Variants in PRDM16 observed in about 807,000 individuals in gnomAD.
PRDM16 encodes the protein histone-lysine N-methyltransferase PRDM16.
PRDM16 carries 23 observed loss-of-function variants against 110.6 expected under a neutral mutation model. The ratio of observed to expected loss-of-function variants is 0.21; its 90% CI spans 0.15 to 0.29. The LOEUF is 0.29. Among genes scored for constraint, PRDM16 ranks in the 10% least tolerant of loss-of-function variants. PRDM16 has a pLI of 1.00. For synonymous variants in PRDM16, 799 were observed against 781.8 expected, an observed-to-expected ratio of 1.02 and a Z score of -0.37; for missense variants, 1,615 against 1,794.3, an observed-to-expected ratio of 0.90 and a Z score of 1.81.
intron 2 of PRDM16, among the ~76,000 whole-genome samples, chr1:3,194,090 T>C (rs764316662): frequency 5.3e-5 from 8 of 152,212 alleles, no homozygotes; most frequent in Admixed American, 4.6e-4. Context: ...CGCCTGCATG[T>C]CCTGTCCGGC....
chr1:3,219,685 G>A (rs1365785514), intron 2 of PRDM16, among the ~76,000 whole-genome samples: 2 of 152,138 alleles, frequency 1.3e-5, no homozygotes, highest in Non-Finnish European at 2.9e-5. Flanking sequence ...GCAGGAGTGA[G>A]GGCTGAACAT....
chr1:3,105,381 C>G (rs1272374955), intron 1 of PRDM16, among the ~76,000 whole-genome samples: 1 of 152,224 alleles, frequency 6.6e-6, no homozygotes, highest in Non-Finnish European at 1.5e-5. Flanking sequence ...ATGGAAGGCG[C>G]TGTGCATGGG....
chr1:3,214,762 G>A (rs763985768), intron 2 of PRDM16, among the ~76,000 whole-genome samples: 7 of 152,240 alleles, frequency 4.6e-5, no homozygotes, highest in Admixed American at 1.3e-4. Flanking sequence ...CCTGTTGGGT[G>A]CCTGGCCCTG....
At chr1:3,298,981 T>A (rs1033227675) in intron 3 of PRDM16, among the ~76,000 whole-genome samples, 1 of 152,250 alleles carries the variant, frequency 6.6e-6, no homozygotes. Context: ...GTGAAGGGTC[T>A]GACCTACAGG....
intron 3 of PRDM16, among the ~76,000 whole-genome samples, chr1:3,356,812 T>G (rs1642612202): frequency 6.6e-6 from 1 of 152,118 alleles, no homozygotes; most frequent in Non-Finnish European, 1.5e-5. Flanking sequence ...ACCGGGCCAG[T>G]GTGGCGGTTC....
At chr1:3,401,555 C>T (rs1643467835) in intron 5 of PRDM16, among the ~76,000 whole-genome samples, 1 of 152,082 alleles carries the variant, frequency 6.6e-6, no homozygotes, top group Non-Finnish European at 1.5e-5. Context: ...CATGTGTACA[C>T]ATATTCATGC....
At chr1:3,105,705 A>G (rs907356373) in intron 1 of PRDM16, among the ~76,000 whole-genome samples, 4 of 152,228 alleles carry the variant, frequency 2.6e-5, no homozygotes, top group African/African-American at 9.6e-5. Flanking sequence ...CGCAGTAATT[A>G]CATTCCTAAC....
In PRDM16 at chr1:3,437,780, A is replaced by G. The variant is rs1229247389; in HGVS notation, c.*3969A>G. ...ATAAATAAATAAATAAATAAAAGGC[A>G]GCTTGAGTTTCCAAACGTGTGATTC... On this transcript the variant is annotated 3_prime_UTR_variant, in exon 17 of 17. Transcript: ENST00000270722. 4.6e-6 allele frequency: 1 copy of G among 219,336 alleles called. No homozygotes were observed. The highest frequency in any genetic ancestry group is 9.1e-6 in the Non-Finnish European group (1 of 109,314). 13.6% of individuals were successfully genotyped at this position (219,336 alleles called of 1,614,324 possible).
At chr1:3,314,075 G>GGGC in intron 3 of PRDM16, among the ~76,000 whole-genome samples, 1 of 151,348 alleles carries the variant, frequency 6.6e-6, no homozygotes, top group South Asian at 2.1e-4. Flanking sequence ...CCCCACCGGG[G>GGGC]GGGGGGGCGG....
chr1:3,265,677 G>A lies in PRDM16; in HGVS notation c.438+21540G>A, dbSNP rs946988873. ...AGGCCAGCCCTCTTGCCCCGGGGCT[G>A]CCTGGGTTTGTCCTGGGAAGGTGAG... On this transcript the variant is annotated intron_variant, in intron 3 of 16. Transcript: ENST00000270722. This position sits in a 1 kb window ranked among gnomAD's most constrained non-coding sequence, Gnocchi z 4.5. Among the ~76,000 whole-genome samples the A allele has an allele frequency of 6.6e-6, 1 of 152,052 alleles. No homozygotes were observed. Among genetic ancestry groups the A allele is most frequent in the African/African-American group, 2.4e-5 (1 of 41,386 alleles).
At chr1:3,144,415 G>A (rs1399626994) in intron 1 of PRDM16, among the ~76,000 whole-genome samples, 1 of 152,196 alleles carries the variant, frequency 6.6e-6, no homozygotes, top group Non-Finnish European at 1.5e-5. Context: ...AGATCCCACA[G>A]TTCCCTCCAA....
At chr1:3,179,115 G>A (rs978425060) in intron 1 of PRDM16, among the ~76,000 whole-genome samples, 8 of 152,196 alleles carry the variant, frequency 5.3e-5, no homozygotes, top group African/African-American at 1.4e-4. Context: ...GGCTCTCCCC[G>A]GTTTTGAAAG....
chr1:3,272,944 G>A (rs1640491676), intron 3 of PRDM16, among the ~76,000 whole-genome samples: 2 of 152,358 alleles, frequency 1.3e-5, no homozygotes, highest in African/African-American at 4.8e-5. Flanking sequence ...CTCGAGTCTT[G>A]TGTCTGCCAC....
Position 3,144,642 on chromosome 1 carries a change from C to T in PRDM16, c.38-41483C>T, listed in dbSNP as rs1391618779. Reference sequence around the variant, plus strand: ...TGCGAGATGGTGCTCTGTGTGCCCGCGTTCAGGAGAGGAAACCAAGGCGTG... The same window carrying T: ...TGCGAGATGGTGCTCTGTGTGCCCGTGTTCAGGAGAGGAAACCAAGGCGTG... On this transcript the variant is annotated intron_variant, in intron 1 of 16. Transcript: ENST00000270722. Among the ~76,000 whole-genome samples the T allele has an allele frequency of 3.3e-5, 5 of 152,290 alleles. No homozygotes were observed. The South Asian group carries it at 6.2e-4, about 19-fold the overall frequency.
Position 3,069,214 on chromosome 1 carries a change from G to A in PRDM16, c.-46G>A. 6.4e-7 allele frequency: 1 copy of A among 1,560,240 alleles called. No homozygotes were observed. Among genetic ancestry groups the A allele is most frequent in the Non-Finnish European group, 8.7e-7 (1 of 1,145,232 alleles). Reference sequence around the variant, plus strand: ...GGGGAGATGAAGATAGTGTGTGGCTGCTTCTGGACTCAAGGAGGAGGAGAG... The same window carrying A: ...GGGGAGATGAAGATAGTGTGTGGCTACTTCTGGACTCAAGGAGGAGGAGAG... On this transcript the variant is annotated 5_prime_UTR_variant, in exon 1 of 17. Transcript: ENST00000270722. This position sits in a 1 kb window ranked among gnomAD's most constrained non-coding sequence, Gnocchi z 6.1.
intron 3 of PRDM16, among the ~76,000 whole-genome samples, chr1:3,384,134 G>GC (rs1643156104): frequency 6.8e-6 from 1 of 147,570 alleles, no homozygotes; most frequent in Non-Finnish European, 1.5e-5. Context: ...CACCTGTCCA[G>GC]CAGGACACAC....
intron 1 of PRDM16, among the ~76,000 whole-genome samples, chr1:3,171,982 C>T (rs374892626): frequency 3.9e-5 from 6 of 152,174 alleles, no homozygotes; most frequent in Admixed American, 6.5e-5. Flanking sequence ...ACGGGGTCCC[C>T]GGTGCTGAAG....
At chr1:3,333,422 G>C (rs538880957) in intron 3 of PRDM16, among the ~76,000 whole-genome samples, 26 of 152,304 alleles carry the variant, frequency 1.7e-4, no homozygotes, top group African/African-American at 5.8e-4. Context: ...TCTTGGGGCT[G>C]CATCTGACCC....
chr1:3,394,005 C>T (rs972186138), intron 4 of PRDM16, among the ~76,000 whole-genome samples: 4 of 152,142 alleles, frequency 2.6e-5, no homozygotes, highest in South Asian at 2.1e-4. Flanking sequence ...CCTCCCGCGG[C>T]GGCGGCGGCT....
Sources: gnomAD v4.1 joint callset for allele counts (sites outside exome capture counted in the v4.1 genomes callset) on GRCh38, gnomAD v4.1.1 for gene constraint, Gnocchi (gnomAD v3.1) non-coding constraint, MANE v1.5 for transcripts, NCBI Gene and HGNC (gene_info 2026-07-23, HGNC 2026-07-21) for gene names.